HDLBP: variants seen among roughly 807,000 people sequenced by gnomAD.
HDLBP encodes the protein high density lipoprotein binding protein, also known as vigilin.
HDLBP carries 30 observed loss-of-function variants against 137.3 expected under a neutral mutation model. The ratio of observed to expected loss-of-function variants is 0.22; its 90% CI spans 0.16 to 0.30. HDLBP has a LOEUF of 0.30. HDLBP is among the 10% of genes least tolerant of loss of function. HDLBP has a pLI of 1.00. For synonymous variants in HDLBP, 606 were observed against 596.0 expected, an observed-to-expected ratio of 1.02 and a Z score of -0.24; for missense variants, 1,119 against 1,667.3, an observed-to-expected ratio of 0.67 and a Z score of 5.73.
intron 1 of HDLBP, among the ~76,000 whole-genome samples, chr2:241,275,502 G>A (rs959403566): frequency 1.3e-5 from 2 of 152,096 alleles, no homozygotes; most frequent in Non-Finnish European, 2.9e-5. Flanking sequence ...AAAATCCAAA[G>A]AACAGAGAAG....
In HDLBP at chr2:241,249,910, G is replaced by C; in HGVS notation, c.1443C>G (p.Ile481Met). ...IPPDSEKSNL[I>M]RIEGDPQGVQ... The stretch of plus-strand genomic sequence containing the variant: ...CGCCCTGTGGGTCCCCCTCGATGCG[G>C]ATCAAATTGCTCTTCTCACTGTCAG... The change falls in exon 12 of 28, where the codon ATC becomes ATG. Residue 481 changes from isoleucine (I) to methionine (M), a missense_variant. Ile to Met is a conservative substitution (Grantham distance 10). Around this residue, in one of 4 missense-constraint regions of HDLBP, gnomAD observed 425 missense variants for 693.9 expected, o/e 0.61. Transcript: ENST00000310931. 1 of 1,614,060 alleles carries C rather than the reference G, an allele frequency of 6.2e-7. No individual in the cohort carries two copies. Among genetic ancestry groups the C allele is most frequent in the African/African-American group, 1.3e-5 (1 of 75,044 alleles).
At chr2:241,251,919 GTGA>G (rs1185443771) in intron 11 of HDLBP, among the ~76,000 whole-genome samples, 1 of 152,210 alleles carries the variant, frequency 6.6e-6, no homozygotes, top group Non-Finnish European at 1.5e-5. Flanking sequence ...GGACGTTGCA[GTGA>G]ACTGAGATCA....
chr2:241,249,358 A>G (rs916703863), intron 12 of HDLBP: 1 of 471,524 alleles, frequency 2.1e-6, no homozygotes, highest in African/African-American at 2.0e-5. Flanking sequence ...TCTGACTCAC[A>G]GAAGCAAGGG....
In HDLBP at chr2:241,230,765, T is replaced by A; in HGVS notation, c.3468A>T (p.Glu1156Asp). ...RGKAIRKIMD[E>D]FKVDIRFPQS... ...GTGCTTCCAGCCGGCTCACCTTGAA[T>A]TCGTCCATGATTTTGCGAATGGCTT... Residue 1156 changes from glutamate to aspartate, a missense_variant, in exon 25 of 28, where the codon GAA becomes GAT. Physicochemically the swap from Glu to Asp is conservative, Grantham distance 45. This residue lies in a region of HDLBP where 618 missense variants were observed against 816.7 expected (regional missense o/e 0.76). Transcript: ENST00000310931. The surrounding 1 kb of genome is among the most constrained non-coding windows in gnomAD (Gnocchi z 5.0). The A allele has an allele frequency of 6.2e-7, 1 of 1,613,936 alleles. No homozygotes were observed. The highest frequency in any genetic ancestry group is 8.5e-7 in the Non-Finnish European group (1 of 1,179,796).
intron 27 of HDLBP, 30 bp from the exon 28 acceptor site, chr2:241,229,717 G>A: frequency 6.2e-7 from 1 of 1,612,484 alleles, no homozygotes; most frequent in Non-Finnish European, 8.5e-7. Context: ...GGCTTCAGGA[G>A]GGGATGCTCC....
chr2:241,291,229 T>C (rs2075004146), intron 1 of HDLBP, among the ~76,000 whole-genome samples: 1 of 152,164 alleles, frequency 6.6e-6, no homozygotes, highest in Non-Finnish European at 1.5e-5. Flanking sequence ...TGATACACAT[T>C]GAACTGACTG....
At chr2:241,300,962 T>A (rs1158834781) in intron 1 of HDLBP, among the ~76,000 whole-genome samples, 1 of 70,480 alleles carries the variant, frequency 1.4e-5, no homozygotes, top group Non-Finnish European at 3.7e-5. Flanking sequence ...ATTATTATTA[T>A]TATTATTATT....
chr2:241,239,611 A>T lies in HDLBP; in HGVS notation c.2601T>A (p.Ile867=), dbSNP rs1382420545. The T allele has an allele frequency of 6.2e-7, 1 of 1,613,916 alleles. No individual in the cohort carries two copies. Among genetic ancestry groups the T allele is most frequent in the African/African-American group, 1.3e-5 (1 of 74,900 alleles). The change falls in exon 19 of 28, where the codon ATT becomes ATA. Residue 867 remains isoleucine, a synonymous_variant. Coordinates refer to ENST00000310931, the MANE Select transcript of HDLBP (RefSeq NM_005336.6). This position sits in a 1 kb window ranked among gnomAD's most constrained non-coding sequence, Gnocchi z 4.6. The part of the protein sequence containing the change: ...EAAKKRIQEI[I]EDLEAQVTLE... ...GCACCCAAGTGCCTACCAGGTCCTC[A>T]ATGATCTCCTGAATGCGTTTCTTGG...
intron 5 of HDLBP, among the ~76,000 whole-genome samples, chr2:241,262,087 C>A (rs560409508): frequency 1.3e-5 from 2 of 152,334 alleles, no homozygotes; most frequent in Non-Finnish European, 2.9e-5. Context: ...TACAAATGTT[C>A]TTAAATAAAG....
At chr2:241,258,854 C>T (rs1028693597) in intron 5 of HDLBP, among the ~76,000 whole-genome samples, 5 of 152,148 alleles carry the variant, frequency 3.3e-5, no homozygotes, top group Non-Finnish European at 5.9e-5. Flanking sequence ...AAGAGCCTGG[C>T]TCTTGCATAC....
In HDLBP at chr2:241,256,729, C is replaced by T; in HGVS notation, c.528G>A (p.Leu176=). ...GGATTTTGGTTGCAGTTTTTAGCTC[C>T]AAGTCTTGCAGTTTCTCTCCATTTT... ...IGKNGEKLQD[L]ELKTATKIQI... The change falls in exon 6 of 28, where the codon TTG becomes TTA. Residue 176 remains leucine (L), a synonymous_variant. Coordinates refer to ENST00000310931, the MANE Select transcript of HDLBP (RefSeq NM_005336.6). The T allele has an allele frequency of 1.2e-6, 2 of 1,614,170 alleles. No individual in the cohort carries two copies. The highest frequency in any genetic ancestry group is 1.7e-6 in the Non-Finnish European group (2 of 1,180,030).
At position 241,272,801 on chromosome 2, in the gene HDLBP, GC is replaced by G. The variant is rs994194487; in HGVS notation, c.-102-4261del. The G allele has an allele frequency of 1.8e-5, 5 of 274,528 alleles. No individual in the cohort carries two copies. Among genetic ancestry groups the G allele is most frequent in the Non-Finnish European group, 2.8e-5 (5 of 181,644 alleles). 17.0% of individuals were successfully genotyped at this position (274,528 alleles called of 1,614,324 possible). Reference sequence around the variant, plus strand: ...CGCTGGTCCTGCCGCTGGCTTACTCGCCCCCCGCGCGGGAGAAGCCGGGACG... The same window carrying G: ...CGCTGGTCCTGCCGCTGGCTTACTCGCCCCCGCGCGGGAGAAGCCGGGACG... On this transcript the variant is annotated intron_variant, in intron 1 of 27. Coordinates refer to ENST00000310931, the MANE Select transcript of HDLBP (RefSeq NM_005336.6). This position sits in a 1 kb window ranked among gnomAD's most constrained non-coding sequence, Gnocchi z 5.6.
intron 1 of HDLBP, among the ~76,000 whole-genome samples, chr2:241,311,203 C>T (rs536112941): frequency 6.6e-6 from 1 of 152,292 alleles, no homozygotes; most frequent in South Asian, 2.1e-4. Context: ...CACAAAGGCT[C>T]TAAAAATGTT....
chr2:241,272,589 A>G lies in HDLBP; in HGVS notation c.-102-4048T>C. ...GGAACCGCCACGCGCGGTAAGCAGG[A>G]CACCCGCGGGCGGGGGCCGCAGCCT... On this transcript the variant is annotated intron_variant, in intron 1 of 27. Transcript: ENST00000310931. This position sits in a 1 kb window ranked among gnomAD's most constrained non-coding sequence, Gnocchi z 5.6. 1.0e-6 allele frequency: 1 copy of G among 983,346 alleles called. No homozygotes were observed. The highest frequency in any genetic ancestry group is 1.2e-6 in the Non-Finnish European group (1 of 829,142). 60.9% of individuals were successfully genotyped at this position (983,346 alleles called of 1,614,324 possible).
intron 16 of HDLBP, among the ~76,000 whole-genome samples, chr2:241,245,156 G>A (rs1192006033): frequency 1.3e-5 from 2 of 151,436 alleles, no homozygotes; most frequent in Non-Finnish European, 2.9e-5. Context: ...AATCACAACT[G>A]TAATTAAATG....
chr2:241,240,614 G>A lies in HDLBP; in HGVS notation c.2170-492C>T, dbSNP rs1024268539. 8.5e-5 allele frequency among the ~76,000 whole-genome samples: 13 copies of A among 152,170 alleles called. No homozygotes were observed. The highest frequency in any genetic ancestry group is 2.4e-4 in the African/African-American group (10 of 41,518). On this transcript the variant is annotated intron_variant, in intron 17 of 27. Coordinates refer to ENST00000310931, the MANE Select transcript of HDLBP (RefSeq NM_005336.6). This position sits in a 1 kb window ranked among gnomAD's most constrained non-coding sequence, Gnocchi z 5.5. ...TGGGCCAGGCTCCCTTTCTTCCCAC[G>A]AGTGCTACAGATCAGCCTCCACAAA...
intron 1 of HDLBP, chr2:241,273,358 C>G (rs78615520): frequency 0.014 from 8,130 of 599,742 alleles, 93 homozygotes; most frequent in Non-Finnish European, 0.015. Context: ...ATCTCCCCCC[C>G]AAAATGTAAA....
Position 241,270,944 on chromosome 2 carries a change from A to C in HDLBP, c.-102-2403T>G, listed in dbSNP as rs896110232. The C allele has an allele frequency of 5.1e-6, 5 of 976,138 alleles. No individual in the cohort carries two copies. In the East Asian group the frequency reaches 5.7e-4, roughly 111 times the overall value. The allele number at this position is 976,138 out of a possible 1,614,324, so 60.5% of individuals were successfully genotyped here. ...CCAAATCAGGATTGAAAGGAACCTC[A>C]GATATTAATCTAATCCCATTTCTTA... On this transcript the variant is annotated intron_variant, in intron 1 of 27. Transcript: ENST00000310931.
chr2:241,253,233 G>T, intron 10 of HDLBP, 160 bp downstream of exon 10: 1 of 685,080 alleles, frequency 1.5e-6, no homozygotes. Flanking sequence ...CCAGGACTTC[G>T]ACCAGCTTCT....
Sources: allele counts gnomAD v4.1 joint callset (sites outside exome capture counted in the v4.1 genomes callset), GRCh38; gene constraint gnomAD v4.1.1; regional missense constraint gnomAD v4.1.1; non-coding constraint Gnocchi (gnomAD v3.1); transcripts MANE v1.5; gene names NCBI Gene and HGNC (gene_info 2026-07-23, HGNC 2026-07-21).